MAGI1: variants seen among roughly 807,000 people sequenced by gnomAD.
MAGI1 encodes the protein membrane-associated guanylate kinase, WW and PDZ domain-containing protein 1.
In MAGI1, 58 loss-of-function variants were observed where a neutral mutation model predicts 139.9. The ratio of observed to expected loss-of-function variants is 0.41; its 90% confidence interval spans 0.34 to 0.52. The LOEUF is 0.52. MAGI1 is among the 20% of genes least tolerant of loss of function. The probability of loss-of-function intolerance (pLI) is 0.12; values close to 1 mark genes in which losing one functional copy is unlikely to be tolerated. For missense variants in MAGI1, 1,874 were observed against 1,901.6 expected (o/e 0.99, Z 0.27); for synonymous variants, 812 against 737.9 (o/e 1.10, Z -1.63).
intron 1 of MAGI1, among the ~76,000 whole-genome samples, chr3:65,774,898 C>T (rs2038247021): frequency 1.3e-5 from 2 of 152,132 alleles, no homozygotes; most frequent in East Asian, 1.9e-4. Flanking sequence ...GAGTCAATTA[C>T]TTAGCCTTTC....
In MAGI1 at chr3:65,440,890, T is replaced by G. The variant is rs1575755471; in HGVS notation, c.1137-878A>C. Among the ~76,000 whole-genome samples, 3 of 141,816 alleles carry G rather than the reference T, an allele frequency of 2.1e-5. No homozygotes were observed. In the South Asian group the frequency reaches 6.5e-4, roughly 31 times the overall value. The allele number at this position is 141,816 out of a possible 152,430, so 93.0% of individuals were successfully genotyped here. ...GTATACACATATATGTACATATATATGGTACATATGTGTGTATATATATAT... is the reference window on the plus strand; with the variant it reads ...GTATACACATATATGTACATATATAGGGTACATATGTGTGTATATATATAT... On this transcript the variant is annotated intron_variant, in intron 8 of 22. Coordinates refer to ENST00000402939, the MANE Select transcript of MAGI1 (RefSeq NM_001033057.2).
chr3:65,566,003 C>T (rs1432643553), intron 2 of MAGI1, among the ~76,000 whole-genome samples: 2 of 152,076 alleles, frequency 1.3e-5, no homozygotes, highest in Non-Finnish European at 2.9e-5. Flanking sequence ...CGCCTATAAT[C>T]CCAGCACTTT....
intron 1 of MAGI1, among the ~76,000 whole-genome samples, chr3:65,941,125 C>A (rs1560036512): frequency 6.6e-6 from 1 of 152,100 alleles, no homozygotes; most frequent in Non-Finnish European, 1.5e-5. Flanking sequence ...GTGGGCGGAT[C>A]ACCTGAGGTC....
At chr3:65,615,686 A>G (rs554624875) in intron 2 of MAGI1, among the ~76,000 whole-genome samples, 1 of 152,324 alleles carries the variant, frequency 6.6e-6, no homozygotes, top group South Asian at 2.1e-4. Context: ...GGAGAGTCCC[A>G]TGGATAAAAA....
chr3:65,618,414 T>C (rs1455814901), intron 2 of MAGI1, among the ~76,000 whole-genome samples: 1 of 152,162 alleles, frequency 6.6e-6, no homozygotes, highest in African/African-American at 2.4e-5. Flanking sequence ...TGAATAATCA[T>C]TATTAAAATT....
chr3:66,013,760 C>CAAA (rs372862676), intron 1 of MAGI1, among the ~76,000 whole-genome samples: 25 of 81,532 alleles, frequency 3.1e-4, no homozygotes, highest in African/African-American at 1.1e-3. Flanking sequence ...GACTCTGTCT[C>CAAA]AAAAAAAAAA....
At chr3:65,571,501 A>AAT (rs1196582563) in intron 2 of MAGI1, among the ~76,000 whole-genome samples, 2 of 152,118 alleles carry the variant, frequency 1.3e-5, no homozygotes, top group Admixed American at 1.3e-4. Context: ...CTTACTACTT[A>AAT]ATGAGTTCAC....
In MAGI1 at chr3:65,656,302, A is replaced by G. The variant is rs186117649; in HGVS notation, c.314-34214T>C. On this transcript the variant is annotated intron_variant, in intron 1 of 22. Transcript: ENST00000402939. Reference sequence around the variant, plus strand: ...CTCTGATGCAGTTTACTGTCTCTTAAGCTGCCTGTGACACTGAACTGGCAA... The same window carrying G: ...CTCTGATGCAGTTTACTGTCTCTTAGGCTGCCTGTGACACTGAACTGGCAA... 3.5e-3 allele frequency among the ~76,000 whole-genome samples: 533 copies of G among 152,244 alleles called. 6 individuals are homozygous for G. The highest frequency in any genetic ancestry group is 0.012 in the African/African-American group (513 of 41,542).
chr3:65,706,087 T>C (rs73832928), intron 1 of MAGI1, among the ~76,000 whole-genome samples: 1,806 of 152,316 alleles, frequency 0.012, 35 homozygotes, highest in African/African-American at 0.042. Flanking sequence ...GTTCTCCAAT[T>C]AATTTTTTTT....
At chr3:65,567,926 A>G (rs1412292978) in intron 2 of MAGI1, among the ~76,000 whole-genome samples, 1 of 152,198 alleles carries the variant, frequency 6.6e-6, no homozygotes, top group African/African-American at 2.4e-5. Flanking sequence ...TGATATTTAT[A>G]TTTAATTTAG....
chr3:65,467,425 G>T (rs1950242100), intron 5 of MAGI1, among the ~76,000 whole-genome samples: 1 of 152,142 alleles, frequency 6.6e-6, no homozygotes, highest in Admixed American at 6.5e-5. Context: ...AAAGTAACAA[G>T]TATATATAAT....
In MAGI1 at chr3:65,398,558, G is replaced by A. The variant is rs546258410; in HGVS notation, c.2199+2881C>T. ...TTGGGAAATGAATTCATACGAAAAC[G>A]GTGGATACTGACTTAAAATTCAGGG... On this transcript the variant is annotated intron_variant, in intron 13 of 22. Coordinates refer to ENST00000402939, the MANE Select transcript of MAGI1 (RefSeq NM_001033057.2). Among the ~76,000 whole-genome samples, 14 of 152,168 alleles carry A rather than the reference G, an allele frequency of 9.2e-5. 1 individual carries two copies. The South Asian group carries it at 1.9e-3, about 20-fold the overall frequency.
chr3:65,686,130 C>A (rs1468533325), intron 1 of MAGI1, among the ~76,000 whole-genome samples: 1 of 152,122 alleles, frequency 6.6e-6, no homozygotes, highest in African/African-American at 2.4e-5. Context: ...TTTTCTTTGG[C>A]CCCTGGCTCT....
At chr3:65,628,552 C>T (rs527653385) in intron 1 of MAGI1, among the ~76,000 whole-genome samples, 1 of 151,762 alleles carries the variant, frequency 6.6e-6, no homozygotes, top group African/African-American at 2.4e-5. Context: ...ATGTAAGCAG[C>T]CTTTGCCTGG....
intron 1 of MAGI1, among the ~76,000 whole-genome samples, chr3:65,749,328 C>T (rs2035954135): frequency 6.6e-6 from 1 of 152,128 alleles, no homozygotes. Flanking sequence ...TGATGTGATT[C>T]TATGTAAAAC....
At chr3:65,776,343 G>C (rs542700334) in intron 1 of MAGI1, among the ~76,000 whole-genome samples, 1 of 146,058 alleles carries the variant, frequency 6.8e-6, no homozygotes, top group South Asian at 2.2e-4. Context: ...AAATATTAAT[G>C]TCAAAAAAAA....
chr3:65,697,078 A>G (rs1191496587), intron 1 of MAGI1, among the ~76,000 whole-genome samples: 8 of 152,240 alleles, frequency 5.3e-5, no homozygotes, highest in Non-Finnish European at 1.2e-4. Flanking sequence ...AACTACCATC[A>G]GAGAATACTA....
intron 12 of MAGI1, among the ~76,000 whole-genome samples, chr3:65,410,288 G>T (rs1345252617): frequency 6.6e-6 from 1 of 152,198 alleles, no homozygotes; most frequent in Non-Finnish European, 1.5e-5. Context: ...TTCAGAGCCT[G>T]TCTTTGACAT....
At chr3:65,982,475 T>G (rs2065636436) in intron 1 of MAGI1, among the ~76,000 whole-genome samples, 1 of 152,214 alleles carries the variant, frequency 6.6e-6, no homozygotes, top group Non-Finnish European at 1.5e-5. Context: ...CCTGGGCAAC[T>G]TCCATGGTGC....
Sources: allele counts gnomAD v4.1 joint callset (sites outside exome capture counted in the v4.1 genomes callset), GRCh38; gene constraint gnomAD v4.1.1; transcripts MANE v1.5; gene names NCBI Gene and HGNC (gene_info 2026-07-23, HGNC 2026-07-21).